The following CSMD2 variants were observed in gnomAD, a reference collection of about 807,000 sequenced individuals.
CSMD2 encodes CUB and sushi domain-containing protein 2.
In CSMD2, 130 loss-of-function variants were observed where a neutral mutation model predicts 398.5. The observed-to-expected ratio is 0.33, with a 90% CI of 0.28 to 0.38. The LOEUF is 0.38. Among genes scored for constraint, CSMD2 ranks in the 10% least tolerant of loss-of-function variants. The pLI is 1.00. For missense variants in CSMD2, 3,829 were observed against 4,764.9 expected (o/e 0.80, Z 5.78); for synonymous variants, 1,828 against 1,908.5 (o/e 0.96, Z 1.10).
intron 19 of CSMD2, 79 bp downstream of exon 19, chr1:33,724,118 T>A: frequency 1.1e-6 from 1 of 936,838 alleles, no homozygotes; most frequent in Non-Finnish European, 1.8e-6. Flanking sequence ...GAGATCCCCA[T>A]TGAGGTCAAC....
chr1:34,165,324 G>A (rs982894863), upstream of CSMD2: 13 of 1,199,472 alleles, frequency 1.1e-5, no homozygotes, highest in Non-Finnish European at 1.3e-5. Flanking sequence ...CCGGGGGGCG[G>A]GAGGGGGTGA....
At chr1:33,998,103 A>G (rs1281140951) in intron 3 of CSMD2, among the ~76,000 whole-genome samples, 1 of 152,192 alleles carries the variant, frequency 6.6e-6, no homozygotes, top group Non-Finnish European at 1.5e-5. Flanking sequence ...TGAATGGATT[A>G]ATCCATTCAC....
Position 33,917,184 on chromosome 1 carries a change from G to A in CSMD2, c.920+910C>T, listed in dbSNP as rs185278319. Among the ~76,000 whole-genome samples, 7 of 152,260 alleles carry A rather than the reference G, an allele frequency of 4.6e-5. No individual in the cohort carries two copies. The East Asian group carries it at 7.7e-4, about 17-fold the overall frequency. On this transcript the variant is annotated intron_variant, in intron 5 of 70. Transcript: ENST00000373381. ...ACTGCGGCACCCCCTGGTAGCCAACGCCGTGACTCCTGCCTGACATCAGGA... is the reference window on the plus strand; with the variant it reads ...ACTGCGGCACCCCCTGGTAGCCAACACCGTGACTCCTGCCTGACATCAGGA...
chr1:33,725,597 C>T, intron 16 of CSMD2, 61 bp from the exon 17 acceptor site: 1 of 1,533,224 alleles, frequency 6.5e-7, no homozygotes, highest in South Asian at 1.1e-5. Flanking sequence ...TTGCAAATGA[C>T]ATAAAGCCCT....
intron 10 of CSMD2, among the ~76,000 whole-genome samples, chr1:33,802,502 C>T (rs1163184282): frequency 2.6e-5 from 4 of 152,154 alleles, no homozygotes; most frequent in African/African-American, 7.2e-5. Context: ...CTTCTCATTG[C>T]CCTTGGAGGG....
At position 34,006,906 on chromosome 1, in the gene CSMD2, C is replaced by A. The variant is rs569301862; in HGVS notation, c.517+25688G>T. On this transcript the variant is annotated intron_variant, in intron 3 of 70. Transcript: ENST00000373381. ...AGGTGAGTGTCCCCCAGGGATTCCA[C>A]TGCCAGACTCTCTCAGGCATGGAAA... Among the ~76,000 whole-genome samples, 68 of 152,168 alleles carry A rather than the reference C, an allele frequency of 4.5e-4. No homozygotes were observed. The South Asian group carries it at 0.014, about 30-fold the overall frequency.
chr1:33,864,567 G>A, intron 5 of CSMD2: 2 of 1,614,056 alleles, frequency 1.2e-6, no homozygotes, highest in Non-Finnish European at 1.7e-6. Flanking sequence ...GGTGGCCAAG[G>A]CCACAGGGAA....
intron 29 of CSMD2, among the ~76,000 whole-genome samples, chr1:33,643,000 C>T (rs975938237): frequency 7.9e-5 from 12 of 152,150 alleles, no homozygotes; most frequent in African/African-American, 2.2e-4. Flanking sequence ...CTATGTGGGG[C>T]GCTCGTAGGC....
intron 15 of CSMD2, among the ~76,000 whole-genome samples, chr1:33,732,717 C>T (rs1646760502): frequency 6.6e-6 from 1 of 152,304 alleles, no homozygotes; most frequent in East Asian, 1.9e-4. Flanking sequence ...GGGTTGCTGT[C>T]CCCTGTGAGG....
chr1:34,028,725 TTAAA>T (rs66877913), intron 3 of CSMD2, among the ~76,000 whole-genome samples: 15,291 of 152,132 alleles, frequency 0.1, 1,317 homozygotes, highest in East Asian at 0.38. Flanking sequence ...TGGTGGGGGA[TTAAA>T]TGAGATAATG....
In CSMD2 at chr1:33,625,041, G is replaced by C; in HGVS notation, c.5500+10C>G. On this transcript the variant is annotated intron_variant, in intron 34 of 70. Transcript: ENST00000373381. ...CCCGCACCCTCAACGCCCGGGTCCT[G>C]GTTACTCACCCACACACGTGGGCGC... The C allele has an allele frequency of 2.5e-6, 4 of 1,613,572 alleles. No homozygotes were observed. Among genetic ancestry groups the C allele is most frequent in the Non-Finnish European group, 3.4e-6 (4 of 1,179,692 alleles).
At position 34,105,631 on chromosome 1, in the gene CSMD2, A is replaced by C. The variant is rs115985727; in HGVS notation, c.188-16438T>G. 6.1e-3 allele frequency among the ~76,000 whole-genome samples: 930 copies of C among 152,308 alleles called. 5 individuals are homozygous for C. The highest frequency in any genetic ancestry group is 9.3e-3 in the Non-Finnish European group (634 of 68,042). On this transcript the variant is annotated intron_variant, in intron 1 of 70. Coordinates refer to ENST00000373381, the MANE Select transcript of CSMD2 (RefSeq NM_001281956.2). ...CTCAAATGGTGTCTTAAAATATGTA[A>C]AACAAAATACATAGAATTGCAAAGG...
chr1:33,654,502 G>A (rs950660164), intron 27 of CSMD2, among the ~76,000 whole-genome samples: 1 of 152,186 alleles, frequency 6.6e-6, no homozygotes, highest in East Asian at 1.9e-4. Context: ...GCTTCTGAGC[G>A]AGGTGGTGCC....
chr1:33,917,427 T>C lies in CSMD2; in HGVS notation c.920+667A>G, dbSNP rs537281891. On this transcript the variant is annotated intron_variant, in intron 5 of 70. Transcript: ENST00000373381. The stretch of plus-strand genomic sequence containing the variant: ...CTCACCCAAACAGAAAGCCAGATAC[T>C]TCCTCAAGCCATCCTCAATTTGAGC... Among the ~76,000 whole-genome samples, 3 of 152,314 alleles carry C rather than the reference T, an allele frequency of 2.0e-5. No individual in the cohort carries two copies. In the South Asian group the frequency reaches 6.2e-4, roughly 32 times the overall value.
rs114026562 is a variant in CSMD2 at position 33,972,982 on chromosome 1, C to T, written c.518-37028G>A. Among the ~76,000 whole-genome samples the T allele has an allele frequency of 7.2e-3, 1,096 of 152,304 alleles. 5 individuals carry two copies. The highest frequency in any genetic ancestry group is 0.011 in the Non-Finnish European group (769 of 68,032). On this transcript the variant is annotated intron_variant, in intron 3 of 70. Coordinates refer to ENST00000373381, the MANE Select transcript of CSMD2 (RefSeq NM_001281956.2). ...GGCTTCTCCCTTGCAGACTGAGAGA[C>T]GGCTGAGGTTCAGAGAGGGTAAGCC...
At chr1:33,955,901 G>T (rs916016921) in intron 3 of CSMD2, among the ~76,000 whole-genome samples, 2 of 152,234 alleles carry the variant, frequency 1.3e-5, no homozygotes, top group South Asian at 4.2e-4. Flanking sequence ...CTGGGGGTTG[G>T]TGTCCTCCTA....
intron 1 of CSMD2, among the ~76,000 whole-genome samples, chr1:34,154,281 T>C (rs1439112267): frequency 1.3e-5 from 2 of 152,110 alleles, no homozygotes; most frequent in Non-Finnish European, 2.9e-5. Context: ...TCTTGGGCAC[T>C]CTTAGTGGAA....
chr1:33,601,566 T>C (rs1640219978), intron 43 of CSMD2, among the ~76,000 whole-genome samples: 1 of 152,182 alleles, frequency 6.6e-6, no homozygotes, highest in East Asian at 1.9e-4. Context: ...CTGGGAATTT[T>C]GGAAGAGAAT....
intron 22 of CSMD2, among the ~76,000 whole-genome samples, chr1:33,706,959 C>G (rs985465452): frequency 6.6e-6 from 1 of 152,134 alleles, no homozygotes; most frequent in Non-Finnish European, 1.5e-5. Context: ...TCCCTGAACT[C>G]TGACCTAGGT....
Sources: allele counts gnomAD v4.1 joint callset (sites outside exome capture counted in the v4.1 genomes callset), GRCh38; gene constraint gnomAD v4.1.1; transcripts MANE v1.5; gene names NCBI Gene and HGNC (gene_info 2026-07-23, HGNC 2026-07-21).